Variants in SLC38A12 observed in about 807,000 individuals in gnomAD.
SLC38A12 encodes the protein putative sodium-coupled neutral amino acid transporter 12.
At chr17:74,779,780 C>T in the SLC38A12 span, among the ~76,000 whole-genome samples, 3 of 152,244 alleles carry the variant, frequency 2.0e-5, no homozygotes, top group African/African-American at 7.2e-5. Flanking sequence ...CAAAGCCTCT[C>T]CTTAGCTCTC....
At chr17:74,790,125 C>A in the SLC38A12 span, 1 of 1,239,094 alleles carries the variant, frequency 8.1e-7, no homozygotes, top group Non-Finnish European at 1.2e-6. Flanking sequence ...GGCTAACATT[C>A]TGTACTTTTT....
chr17:74,791,699 C>G, the SLC38A12 span, among the ~76,000 whole-genome samples: 349 of 152,346 alleles, frequency 2.3e-3, no homozygotes, highest in African/African-American at 8.0e-3. Context: ...TGAGTGAGAC[C>G]GGAGCCCTGA....
the SLC38A12 span, chr17:74,838,467 G>A: frequency 2.0e-5 from 20 of 1,020,488 alleles, no homozygotes; most frequent in African/African-American, 2.1e-4. Context: ...CCTGCCACCC[G>A]AGGCTCCAAA....
chr17:74,826,174 C>T, the SLC38A12 span, among the ~76,000 whole-genome samples: 1 of 152,220 alleles, frequency 6.6e-6, no homozygotes, highest in Non-Finnish European at 1.5e-5. Context: ...AGACCCTGCC[C>T]TCCCAGGCGC....
the SLC38A12 span, among the ~76,000 whole-genome samples, chr17:74,781,851 A>G: frequency 6.6e-6 from 1 of 151,814 alleles, no homozygotes; most frequent in Non-Finnish European, 1.5e-5. Context: ...TTCCAGCCCC[A>G]CCCCTGCCCG....
chr17:74,819,494 T>C, the SLC38A12 span, among the ~76,000 whole-genome samples: 1 of 152,340 alleles, frequency 6.6e-6, no homozygotes, highest in East Asian at 1.9e-4. Context: ...CACCTGGGCC[T>C]TGCCTAGGAG....
the SLC38A12 span, among the ~76,000 whole-genome samples, chr17:74,789,845 C>CAAA: frequency 6.3e-5 from 3 of 47,406 alleles, no homozygotes; most frequent in Admixed American, 2.4e-4. Context: ...AACTTCGTCT[C>CAAA]AAAAAAAAAA....
the SLC38A12 span, among the ~76,000 whole-genome samples, chr17:74,823,828 C>A: frequency 6.6e-6 from 1 of 152,260 alleles, no homozygotes; most frequent in African/African-American, 2.4e-5. Flanking sequence ...TGCCTTGTTC[C>A]CCCCGTGTGG....
chr17:74,807,699 C>T, the SLC38A12 span, among the ~76,000 whole-genome samples: 1 of 152,224 alleles, frequency 6.6e-6, no homozygotes, highest in African/African-American at 2.4e-5. Flanking sequence ...ACAGACAGCT[C>T]GTCACCCGTC....
At chr17:74,808,740 G>A in the SLC38A12 span, among the ~76,000 whole-genome samples, 3 of 152,328 alleles carry the variant, frequency 2.0e-5, no homozygotes, top group East Asian at 1.9e-4. Context: ...GACAACAGGC[G>A]GGGTATTACC....
At chr17:74,788,715 A>T in the SLC38A12 span, 1 of 1,367,204 alleles carries the variant, frequency 7.3e-7, no homozygotes, top group Non-Finnish European at 1.0e-6. Flanking sequence ...GTCGGTTCTT[A>T]CAATGGTGTT....
chr17:74,808,318 A>G, the SLC38A12 span, among the ~76,000 whole-genome samples: 2 of 152,262 alleles, frequency 1.3e-5, no homozygotes, highest in African/African-American at 4.8e-5. Flanking sequence ...GGTGCTCTAA[A>G]GAGGGACTGG....
the SLC38A12 span, chr17:74,838,618 C>G: frequency 7.5e-7 from 1 of 1,337,516 alleles, no homozygotes; most frequent in African/African-American, 1.5e-5. Flanking sequence ...ATCGCTGATG[C>G]CAAGTGGGGA....
At chr17:74,807,344 C>T in the SLC38A12 span, among the ~76,000 whole-genome samples, 2 of 152,228 alleles carry the variant, frequency 1.3e-5, no homozygotes, top group Admixed American at 6.5e-5. Flanking sequence ...TTCACCTTTC[C>T]GTCTAGAGCC....
At chr17:74,830,747 C>T in the SLC38A12 span, among the ~76,000 whole-genome samples, 1 of 152,234 alleles carries the variant, frequency 6.6e-6, no homozygotes, top group Non-Finnish European at 1.5e-5. Flanking sequence ...CAGCTCAGGA[C>T]TCGTGCCTGT....
At chr17:74,827,236 GT>G in the SLC38A12 span, among the ~76,000 whole-genome samples, 1 of 151,806 alleles carries the variant, frequency 6.6e-6, no homozygotes, top group South Asian at 2.1e-4. This position sits in a 1 kb window ranked among gnomAD's most constrained non-coding sequence, Gnocchi z 4.7. Context: ...TGTGAGCCAG[GT>G]TTTACCAGCA....
chr17:74,836,128 A>G, the SLC38A12 span: 99 of 1,613,738 alleles, frequency 6.1e-5, no homozygotes, highest in Non-Finnish European at 6.9e-5. The surrounding 1 kb of genome is among the most constrained non-coding windows in gnomAD (Gnocchi z 4.2). Context: ...TTCCTGGACT[A>G]CGTGCTGATC....
the SLC38A12 span, among the ~76,000 whole-genome samples, chr17:74,812,159 AG>A: frequency 6.6e-6 from 1 of 151,276 alleles, no homozygotes; most frequent in East Asian, 2.0e-4. Flanking sequence ...GTGCTGACAC[AG>A]GGGGTCAGGA....
the SLC38A12 span, among the ~76,000 whole-genome samples, chr17:74,783,721 C>CTTTTTTT: frequency 1.1e-4 from 11 of 104,000 alleles, no homozygotes; most frequent in East Asian, 2.6e-4. Context: ...CATGCTTTTT[C>CTTTTTTT]TTTTTTTTTT....
Sources: gnomAD v4.1 joint callset for allele counts (sites outside exome capture counted in the v4.1 genomes callset) on GRCh38, gnomAD v4.1.1 for gene constraint, Gnocchi (gnomAD v3.1) non-coding constraint, MANE v1.5 for transcripts, NCBI Gene and HGNC (gene_info 2026-07-23, HGNC 2026-07-21) for gene names.